The following DMXL1 variants were observed in gnomAD, a reference collection of about 807,000 sequenced individuals.
The protein encoded by DMXL1 is dmX-like protein 1.
DMXL1 carries 99 observed loss-of-function variants against 319.2 expected under a neutral mutation model. The observed-to-expected ratio is 0.31, with a 90% CI of 0.26 to 0.37. DMXL1 has a LOEUF of 0.37. Ranked by LOEUF, DMXL1 falls within the 10% of genes least tolerant of loss-of-function variation. DMXL1 has a pLI of 1.00. For missense variants in DMXL1, 3,745 were observed against 3,595.6 expected (o/e 1.04, Z -1.06); for synonymous variants, 1,385 against 1,235.2 (o/e 1.12, Z -2.54).
At chr5:119,183,082 G>A (rs994832235) in intron 28 of DMXL1, among the ~76,000 whole-genome samples, 4 of 152,076 alleles carry the variant, frequency 2.6e-5, no homozygotes, top group Non-Finnish European at 5.9e-5. Flanking sequence ...AATATAAAAT[G>A]AACATTTTAT....
At chr5:119,231,659 A>G (rs937318092) in intron 38 of DMXL1, among the ~76,000 whole-genome samples, 1 of 152,232 alleles carries the variant, frequency 6.6e-6, no homozygotes, top group African/African-American at 2.4e-5. Flanking sequence ...GCTCAAATTC[A>G]TGAACTGGGC....
At chr5:119,089,041 G>A (rs1458292740) in intron 1 of DMXL1, among the ~76,000 whole-genome samples, 3 of 150,848 alleles carry the variant, frequency 2.0e-5, no homozygotes, top group Non-Finnish European at 4.4e-5. Flanking sequence ...ACTCCCTTTA[G>A]CATTTTTGCA....
At chr5:119,233,750 C>G (rs771255992) in intron 39 of DMXL1, among the ~76,000 whole-genome samples, 2 of 152,250 alleles carry the variant, frequency 1.3e-5, no homozygotes, top group South Asian at 2.1e-4. Context: ...CTCCTACTCT[C>G]TTTATCCCTC....
intron 41 of DMXL1, among the ~76,000 whole-genome samples, chr5:119,240,134 A>G (rs1357050896): frequency 6.6e-6 from 1 of 151,638 alleles, no homozygotes; most frequent in Non-Finnish European, 1.5e-5. Flanking sequence ...TTAGCCAGAC[A>G]TGGTGGCACA....
intron 32 of DMXL1, among the ~76,000 whole-genome samples, 164 bp downstream of exon 32, chr5:119,198,120 C>T (rs1467728445): frequency 2.6e-5 from 4 of 152,134 alleles, no homozygotes; most frequent in Non-Finnish European, 4.4e-5. Context: ...TCCTGAGTAG[C>T]TGGGATTACA....
At chr5:119,200,383 G>A (rs1039304271) in intron 32 of DMXL1, among the ~76,000 whole-genome samples, 2 of 152,072 alleles carry the variant, frequency 1.3e-5, no homozygotes, top group African/African-American at 4.8e-5. Context: ...CAGATGGCCA[G>A]AGGCGTGTCA....
intron 10 of DMXL1, among the ~76,000 whole-genome samples, chr5:119,130,638 C>T (rs115124976): frequency 0.052 from 7,976 of 152,208 alleles, 256 homozygotes; most frequent in South Asian, 0.072. Context: ...ACACCATGCT[C>T]GGCCTGTGCT....
chr5:119,113,084 A>T (rs1037907819), intron 5 of DMXL1, among the ~76,000 whole-genome samples: 11 of 152,238 alleles, frequency 7.2e-5, no homozygotes, highest in Non-Finnish European at 1.6e-4. Flanking sequence ...AGCAAAAATT[A>T]GAAAACAGCA....
chr5:119,244,469 C>G lies in DMXL1; in HGVS notation c.8815C>G (p.Arg2939Gly). The change falls in exon 43 of 44, where the codon CGA (arginine) becomes GGA (glycine). Residue 2939 changes from arginine to glycine, a missense_variant. Around this residue, in one of 4 missense-constraint regions of DMXL1, gnomAD observed 262 missense variants for 320.5 expected, o/e 0.82. Coordinates refer to ENST00000539542, the MANE Select transcript of DMXL1 (RefSeq NM_001290321.3). ...GFTYVFDLCQ[R>G]QQRQLFQSHD... ...TACATATGTATTTGACCTTTGTCAA[C>G]GACAACAGAGGCAGCTTTTCCAGAG... 1 of 1,614,102 alleles carries G rather than the reference C, an allele frequency of 6.2e-7. No homozygotes were observed. Among genetic ancestry groups the G allele is most frequent in the East Asian group, 2.2e-5 (1 of 44,874 alleles).
chr5:119,183,024 A>T (rs770347073), intron 28 of DMXL1, among the ~76,000 whole-genome samples: 3 of 152,174 alleles, frequency 2.0e-5, no homozygotes, highest in Non-Finnish European at 2.9e-5. Flanking sequence ...CTTTATCTTA[A>T]TAAATTCATA....
intron 9 of DMXL1, chr5:119,126,655 T>G (rs1763645965): frequency 6.6e-6 from 1 of 152,412 alleles, no homozygotes; most frequent in African/African-American, 2.4e-5. Flanking sequence ...AATCCATCAT[T>G]ATAGACAAAA....
chr5:119,220,796 A>T, intron 36 of DMXL1, 144 bp from the exon 37 acceptor site: 1 of 1,139,802 alleles, frequency 8.8e-7, no homozygotes, highest in Non-Finnish European at 1.2e-6. Context: ...TTGTTGAGGT[A>T]TGAGGTCATT....
chr5:119,155,882 T>G (rs915678203), intron 19 of DMXL1, among the ~76,000 whole-genome samples: 3 of 148,980 alleles, frequency 2.0e-5, no homozygotes, highest in African/African-American at 7.4e-5. Flanking sequence ...TCTTAAAGGA[T>G]GAGCAATGAA....
In DMXL1 at chr5:119,237,440, A is replaced by C. The variant is rs745430912; in HGVS notation, c.8559+26A>C. The C allele has an allele frequency of 2.1e-6, 3 of 1,418,092 alleles. No homozygotes were observed. The South Asian group carries it at 3.7e-5, about 17-fold the overall frequency. The allele number at this position is 1,418,092 out of a possible 1,614,324, so 87.8% of individuals were successfully genotyped here. A position where few individuals can be genotyped will look rare whatever the true frequency, so the allele number is the denominator to read the frequency against. ...GTAAGCCAAGAATTTCTACCTTTAA[A>C]TAAAATTTGAATTTTCATTTTAAAT... On this transcript the variant is annotated intron_variant, in intron 40 of 43. Coordinates refer to ENST00000539542, the MANE Select transcript of DMXL1 (RefSeq NM_001290321.3).
intron 4 of DMXL1, among the ~76,000 whole-genome samples, chr5:119,109,573 G>A (rs562843466): frequency 3.0e-4 from 46 of 152,094 alleles, no homozygotes; most frequent in African/African-American, 9.6e-4. Context: ...TACGTTATTC[G>A]TTAACCTATA....
intron 1 of DMXL1, among the ~76,000 whole-genome samples, chr5:119,089,283 T>C (rs1309918369): frequency 6.1e-4 from 18 of 29,380 alleles, no homozygotes; most frequent in Non-Finnish European, 1.2e-3. Context: ...TATACATATA[T>C]ATATATATAT....
At position 119,167,825 on chromosome 5, in the gene DMXL1, C is replaced by T; in HGVS notation, c.5359C>T (p.Leu1787=). The change falls in exon 23 of 44, where the codon CTG becomes TTG. Residue 1787 remains leucine (L), a synonymous_variant. Transcript: ENST00000539542. ...YWILEDYSGA[L]ETLIKQPIRE... is the part of the protein sequence containing the mutation. ...GATTTTGGAAGATTATAGTGGTGCTCTGGAAACATTAATAAAGCAACCTAT... is the reference window on the plus strand; with the variant it reads ...GATTTTGGAAGATTATAGTGGTGCTTTGGAAACATTAATAAAGCAACCTAT... The T allele has an allele frequency of 6.2e-7, 1 of 1,613,104 alleles. No individual in the cohort carries two copies. The highest frequency in any genetic ancestry group is 1.7e-5 in the Admixed American group (1 of 59,890).
At chr5:119,126,603 T>C (rs78384734) in intron 9 of DMXL1, among the ~76,000 whole-genome samples, 6,041 of 152,284 alleles carry the variant, frequency 0.04, 317 homozygotes, top group African/African-American at 0.12. Flanking sequence ...TCGTAATCTC[T>C]GTAAATAACA....
intron 34 of DMXL1, among the ~76,000 whole-genome samples, chr5:119,211,269 A>C (rs1418383265): frequency 6.6e-6 from 1 of 152,202 alleles, no homozygotes; most frequent in South Asian, 2.1e-4. Flanking sequence ...CTAGACTCTT[A>C]GAATGAATTG....
Sources: allele counts gnomAD v4.1 joint callset (sites outside exome capture counted in the v4.1 genomes callset), GRCh38; gene constraint gnomAD v4.1.1; regional missense constraint gnomAD v4.1.1; transcripts MANE v1.5; gene names NCBI Gene and HGNC (gene_info 2026-07-23, HGNC 2026-07-21).